The following OBSL1 variants were observed in gnomAD, a reference collection of about 807,000 sequenced individuals.
The protein encoded by OBSL1 is obscurin like cytoskeletal adaptor 1.
Under a neutral mutation model 172.0 loss-of-function variants are expected in OBSL1, and 160 were observed. That is an observed-to-expected ratio of 0.93 (90% CI 0.82 to 1.06). OBSL1 has a LOEUF of 1.06. OBSL1 is among the 50% of genes least tolerant of loss of function. The pLI is 0.00. For synonymous variants in OBSL1, 1,200 were observed against 1,196.3 expected (o/e 1.00, Z -0.06); for missense variants, 2,681 against 2,715.4 (o/e 0.99, Z 0.28).
In OBSL1 at chr2:219,554,672, G is replaced by A. The variant is rs1695869953; in HGVS notation, c.4678C>T (p.Gln1560Ter). ...TISEGGSATF[Q>*]LELSQEGVTG... The stretch of plus-strand genomic sequence containing the variant: ...ACACCTTCCTGGGACAGCTCCAGCT[G>A]GAAGGTGGCACTGCCCCCCTCACTG... The change falls in exon 15 of 21, where the codon CAG becomes TAG. Residue 1560 changes from glutamine to a stop codon, truncating the protein, a stop_gained. Transcript: ENST00000404537. LOFTEE classifies it high-confidence loss of function. 4 of 1,599,534 alleles carry A rather than the reference G, an allele frequency of 2.5e-6. No individual in the cohort carries two copies. Among genetic ancestry groups the A allele is most frequent in the Middle Eastern group, 1.6e-4 (1 of 6,066 alleles).
Position 219,552,688 on chromosome 2 carries a change from A to C in OBSL1, c.5156T>G (p.Val1719Gly). The change falls in exon 18 of 21, where the codon GTG (valine) becomes GGG (glycine). Residue 1719 changes from valine (V) to glycine (G), a missense_variant. Physicochemically the swap from Val to Gly is moderately radical, Grantham distance 109. Transcript: ENST00000404537. ...CGACCGCAGCTCGGAGAGTACCGCC[A>C]CAGTACGCTCTGGGGCGGAGCCCGG... The part of the protein sequence containing the change: ...PVRLTVRERT[V>G]AVLSELRSVS... 1 of 1,530,330 alleles carries C rather than the reference A, an allele frequency of 6.5e-7. No homozygotes were observed. Among genetic ancestry groups the C allele is most frequent in the Non-Finnish European group, 8.8e-7 (1 of 1,141,190 alleles). 94.8% of individuals were successfully genotyped at this position (1,530,330 alleles called of 1,614,324 possible).
At chr2:219,558,480 G>A (rs1350622879) in intron 9 of OBSL1, 21 bp from the exon 10 acceptor site, 9 of 1,542,508 alleles carry the variant, frequency 5.8e-6, no homozygotes, top group Admixed American at 5.7e-5. Context: ...GGCATGGAGA[G>A]GGGCACATAG....
chr2:219,564,581 G>T (rs1696737115), intron 6 of OBSL1, among the ~76,000 whole-genome samples: 1 of 152,172 alleles, frequency 6.6e-6, no homozygotes, highest in Admixed American at 6.5e-5. Context: ...ATTGCATTTT[G>T]TTCCCCCACC....
At position 219,570,657 on chromosome 2, in the gene OBSL1, C is replaced by T. The variant is rs939447576; in HGVS notation, c.576G>A (p.Leu192=). The change falls in exon 1 of 21, where the codon CTG becomes CTA. Residue 192 remains leucine (L), a synonymous_variant. Transcript: ENST00000404537. The stretch of plus-strand genomic sequence containing the variant: ...GCCGAGCCGCCAGGATGCGCAGTGC[C>T]AGGCTCGCGCCGGGGCCGTCCTCGG... ...GRAEDGPGAS[L]ALRILAARLP... 11 of 1,507,698 alleles carry T rather than the reference C, an allele frequency of 7.3e-6. No individual in the cohort carries two copies. Among genetic ancestry groups the T allele is most frequent in the Admixed American group, 4.2e-5 (2 of 47,462 alleles). The allele number at this position is 1,507,698 out of a possible 1,614,324, so 93.4% of individuals were successfully genotyped here.
chr2:219,552,505 G>A lies in OBSL1; in HGVS notation c.5308+31C>T, dbSNP rs756225609. The A allele has an allele frequency of 2.8e-5, 44 of 1,577,854 alleles. No individual in the cohort carries two copies. In the East Asian group the frequency reaches 6.8e-4, roughly 24 times the overall value. Reference sequence around the variant, plus strand: ...TGTTCGAGCCTGGGCGGGGCAGCGAGGGGCCCGAAAGGGTAACCAGGCGGG... The same window carrying A: ...TGTTCGAGCCTGGGCGGGGCAGCGAAGGGCCCGAAAGGGTAACCAGGCGGG... On this transcript the variant is annotated intron_variant, in intron 18 of 20. Transcript: ENST00000404537.
At position 219,563,501 on chromosome 2, in the gene OBSL1, T is replaced by C; in HGVS notation, c.2534A>G (p.Gln845Arg). 1 of 1,613,910 alleles carries C rather than the reference T, an allele frequency of 6.2e-7. No individual in the cohort carries two copies. The change falls in exon 7 of 21, where the codon CAG becomes CGG. Residue 845 changes from glutamine (Q) to arginine (R), a missense_variant. By Grantham distance (43) the Gln-to-Arg change is conservative. Coordinates refer to ENST00000404537, the MANE Select transcript of OBSL1 (RefSeq NM_015311.3). ...CACGAAGTCACTCTCCTCCACCTCC[T>C]GCCCGTCCTTGTACCAACGCACAGG... Reference protein sequence around the residue: ...DAPVRWYKDGQEVEESDFVVL... With the variant: ...DAPVRWYKDGREVEESDFVVL...
In OBSL1 at chr2:219,565,452, G is replaced by C; in HGVS notation, c.2197C>G (p.Arg733Gly). The C allele has an allele frequency of 6.2e-7, 1 of 1,613,276 alleles. No homozygotes were observed. Among genetic ancestry groups the C allele is most frequent in the South Asian group, 1.1e-5 (1 of 91,076 alleles). Residue 733 changes from arginine (R) to glycine (G), a missense_variant, in exon 6 of 21, where the codon CGG becomes GGG. Arg to Gly is a moderately radical substitution (Grantham distance 125). Transcript: ENST00000404537. ...RVSLTFTTSE[R>G]VVLTCELSRV... is the part of the protein sequence containing the mutation. ...GAGAGCTCACAAGTCAGCACCACCC[G>C]CTCTGAGGTTGTGAAGGTCAACGAC... is the stretch of plus-strand genomic sequence containing the variant.
intron 16 of OBSL1, 57 bp from the exon 17 acceptor site, chr2:219,553,081 G>T: frequency 7.1e-7 from 1 of 1,408,934 alleles, no homozygotes. Flanking sequence ...AGGCGACCCC[G>T]GCCCTGGCAG....
Position 219,551,622 on chromosome 2 carries a change from T to C in OBSL1, c.5590A>G (p.Ser1864Gly). Residue 1864 changes from serine (S) to glycine (G), a missense_variant, in exon 20 of 21, where the codon AGC (serine) becomes GGC (glycine). By Grantham distance (56) the Ser-to-Gly change is moderately conservative. Around this residue, in one of 5 missense-constraint regions of OBSL1, gnomAD observed 1,765 missense variants for 1,748.3 expected, o/e 1.01. Coordinates refer to ENST00000404537, the MANE Select transcript of OBSL1 (RefSeq NM_015311.3). Reference protein sequence around the residue: ...YEMRSHGPTHSLVIHDVRPED... With the variant: ...YEMRSHGPTHGLVIHDVRPED... Reference sequence around the variant, plus strand: ...GGTCGAACGTCATGGATGACCAGGCTGTGGGTGGGGCCGTGGCTGCGCATC... The same window carrying C: ...GGTCGAACGTCATGGATGACCAGGCCGTGGGTGGGGCCGTGGCTGCGCATC... 6.2e-7 allele frequency: 1 copy of C among 1,611,724 alleles called. No individual in the cohort carries two copies.
chr2:219,548,120 G>A, downstream of OBSL1: 1 of 1,470,910 alleles, frequency 6.8e-7, no homozygotes, highest in Non-Finnish European at 9.0e-7. Flanking sequence ...GAGAGGAGTG[G>A]GTGGCCAGGG....
At chr2:219,557,701 A>G (rs946641106) in intron 11 of OBSL1, 83 bp from the exon 12 acceptor site, 7 of 1,521,540 alleles carry the variant, frequency 4.6e-6, no homozygotes, top group East Asian at 4.6e-5. Context: ...CGGGGAAGGT[A>G]CTGAGAGAAG....
At chr2:219,550,875 A>C (rs758602514) in intron 20 of OBSL1, 33 bp from the exon 21 acceptor site, 14 of 500,304 alleles carry the variant, frequency 2.8e-5, no homozygotes, top group Middle Eastern at 3.8e-4. Context: ...GGGGCTGGGG[A>C]GAGAAGGGGG....
In OBSL1 at chr2:219,568,025, C is replaced by T. The variant is rs763061794; in HGVS notation, c.1282+30G>A. The T allele has an allele frequency of 1.2e-5, 19 of 1,609,114 alleles. 1 individual carries two copies. The South Asian group carries it at 2.1e-4, about 18-fold the overall frequency. ...GAATCTGAGCACCTGCCTGCCTCCG[C>T]CTCAGCCTCTTCCCCACGGGCCAGC... On this transcript the variant is annotated intron_variant, in intron 2 of 20. Transcript: ENST00000404537. This position sits in a 1 kb window ranked among gnomAD's most constrained non-coding sequence, Gnocchi z 4.1.
At chr2:219,553,520 A>C in intron 16 of OBSL1, 54 bp downstream of exon 16, 1 of 1,233,136 alleles carries the variant, frequency 8.1e-7, no homozygotes, top group Middle Eastern at 1.9e-4. Flanking sequence ...TGTCTGGGGC[A>C]TTATTATCGT....
Position 219,556,618 on chromosome 2 carries a change from G to T in OBSL1, c.4172C>A (p.Thr1391Asn), listed in dbSNP as rs762564972. The T allele has an allele frequency of 1.9e-6, 3 of 1,613,992 alleles. No individual in the cohort carries two copies. The highest frequency in any genetic ancestry group is 2.5e-6 in the Non-Finnish European group (3 of 1,179,890). Reference sequence around the variant, plus strand: ...GACGACGGCCCCATTGCGCAGCCAGGTGACATCGGCATCTGGTGGGGAGAC... The same window carrying T: ...GACGACGGCCCCATTGCGCAGCCAGTTGACATCGGCATCTGGTGGGGAGAC... ...CEVSPPDADV[T>N]WLRNGAVVTP... Residue 1391 changes from threonine (T) to asparagine (N), a missense_variant, in exon 13 of 21, where the codon ACC becomes AAC. By Grantham distance (65) the Thr-to-Asn change is moderately conservative (BLOSUM62 0). Around this residue, in one of 5 missense-constraint regions of OBSL1, gnomAD observed 1,765 missense variants for 1,748.3 expected, o/e 1.01. Coordinates refer to ENST00000404537, the MANE Select transcript of OBSL1 (RefSeq NM_015311.3).
chr2:219,561,685 C>G (rs899699382), intron 8 of OBSL1: 1 of 590,410 alleles, frequency 1.7e-6, no homozygotes, highest in African/African-American at 1.9e-5. Flanking sequence ...AGCCCTCTGC[C>G]CTTGGCCCTC....
Position 219,558,399 on chromosome 2 carries a change from G to A in OBSL1, c.3287C>T (p.Pro1096Leu), listed in dbSNP as rs767769289. The A allele has an allele frequency of 6.2e-7, 1 of 1,605,958 alleles. No individual in the cohort carries two copies. Among genetic ancestry groups the A allele is most frequent in the South Asian group, 1.1e-5 (1 of 89,648 alleles). Residue 1096 changes from proline to leucine, a missense_variant, in exon 10 of 21, where the codon CCA (proline) becomes CTA (leucine). Transcript: ENST00000404537. ...ARSLDLHFGAPGRVELRCEVA... is the reference protein window; with the variant it reads ...ARSLDLHFGALGRVELRCEVA... ...CTCACAGCGCAGCTCCACGCGCCCT[G>A]GAGCCCCAAAATGCAGATCCAGGGA...
In OBSL1 at chr2:219,562,525, G is replaced by A; in HGVS notation, c.2830C>T (p.Leu944=). The A allele has an allele frequency of 6.2e-7, 1 of 1,613,974 alleles. No individual in the cohort carries two copies. Among genetic ancestry groups the A allele is most frequent in the Non-Finnish European group, 8.5e-7 (1 of 1,179,880 alleles). ...DGEEVVESPA[L]LLQKEDTVRR... is the part of the protein sequence containing the mutation. ...ACAGTGTCTTCCTTCTGCAGGAGCA[G>A]CGCGGGGCTCTCCACCACCTCCTCT... Residue 944 remains leucine, a synonymous_variant, in exon 8 of 21, where the codon CTG becomes TTG. Transcript: ENST00000404537.
In OBSL1 at chr2:219,553,606, A is replaced by G; in HGVS notation, c.4957T>C (p.Ser1653Pro). ...GDTATFECEL[S>P]QALADVTWEK... ...CAGGTAACATCAGCCAAAGCTTGGG[A>G]AAGCTCGCACTCGAACGTAGCTGTG... The change falls in exon 16 of 21, where the codon TCC becomes CCC. Residue 1653 changes from serine (S) to proline (P), a missense_variant. Physicochemically the swap from Ser to Pro is moderately conservative, Grantham distance 74. Around this residue, in one of 5 missense-constraint regions of OBSL1, gnomAD observed 1,765 missense variants for 1,748.3 expected, o/e 1.01. Transcript: ENST00000404537. The G allele has an allele frequency of 1.2e-6, 2 of 1,613,874 alleles. No homozygotes were observed. The highest frequency in any genetic ancestry group is 2.2e-5 in the East Asian group (1 of 44,856).
Sources: gnomAD v4.1 joint callset for allele counts (sites outside exome capture counted in the v4.1 genomes callset) on GRCh38, gnomAD v4.1.1 for gene constraint, gnomAD v4.1.1 regional missense constraint, Gnocchi (gnomAD v3.1) non-coding constraint, MANE v1.5 for transcripts, NCBI Gene and HGNC (gene_info 2026-07-23, HGNC 2026-07-21) for gene names.